The following HR variants were observed in gnomAD, a reference collection of about 807,000 sequenced individuals.
HR encodes the protein lysine-specific demethylase hairless.
HR carries 83 observed loss-of-function variants against 128.6 expected under a neutral mutation model. The observed-to-expected ratio is 0.65, with a 90% CI of 0.54 to 0.77. The LOEUF is 0.77. Among genes scored for constraint, HR ranks in the 30% least tolerant of loss-of-function variants. HR has a pLI of 0.00. For synonymous variants in HR, 681 were observed against 658.2 expected, an observed-to-expected ratio of 1.03 and a Z score of -0.53; for missense variants, 1,490 against 1,574.6, an observed-to-expected ratio of 0.95 and a Z score of 0.91.
Position 22,129,033 on chromosome 8 carries a change from A to G in HR, c.138T>C (p.Pro46=), listed in dbSNP as rs1254540491. 1.9e-6 allele frequency: 3 copies of G among 1,605,596 alleles called. No homozygotes were observed. The highest frequency in any genetic ancestry group is 2.6e-6 in the Non-Finnish European group (3 of 1,175,576). Residue 46 remains proline, a synonymous_variant, in exon 2 of 19, where the codon CCT becomes CCC. Coordinates refer to ENST00000381418, the MANE Select transcript of HR (RefSeq NM_005144.5). ...LHHGPLCLGE[P]APFWRGVLST... ...TCAGGACGCCCCTCCAAAAGGGAGC[A>G]GGCTCTCCCAGGCACAGCGGCCCAT...
At chr8:22,128,272 C>A (rs988378705) in intron 2 of HR, 1 of 560,870 alleles carries the variant, frequency 1.8e-6, no homozygotes, top group Non-Finnish European at 3.2e-6. Flanking sequence ...CCTCCCAGGA[C>A]AAGCCACACA....
rs777505249 is a variant in HR, at chr8:22,117,007, A to G, written c.3246T>C (p.Pro1082=). Residue 1082 remains proline (P), a synonymous_variant, in exon 17 of 19, where the codon CCT becomes CCC. Coordinates refer to ENST00000381418, the MANE Select transcript of HR (RefSeq NM_005144.5). The part of the protein sequence containing the change: ...VCPAGAGALE[P]GAPGSCYLDA... ...CCAGGTAGCAGCTGCCTGGGGCGCC[A>G]GGCTCCAGGGCGCCTGCCCCGGCCG... 6.6e-7 allele frequency: 1 copy of G among 1,525,382 alleles called. No homozygotes were observed. Among genetic ancestry groups the G allele is most frequent in the South Asian group, 1.2e-5 (1 of 82,538 alleles). The allele number at this position is 1,525,382 out of a possible 1,614,324, so 94.5% of individuals were successfully genotyped here. A position where few individuals can be genotyped will look rare whatever the true frequency, so the allele number is the denominator to read the frequency against.
Position 22,116,430 on chromosome 8 carries a change from T to A in HR, c.3379-2A>T. 1 of 1,613,568 alleles carries A rather than the reference T, an allele frequency of 6.2e-7. No individual in the cohort carries two copies. Among genetic ancestry groups the A allele is most frequent in the Non-Finnish European group, 8.5e-7 (1 of 1,179,782 alleles). ...GACTGTGCTCACCAGGCCCTGCACC[T>A]GTGTCGGGGGGACATGGACAGTGAG... On this transcript the variant is annotated splice_acceptor_variant, in intron 17 of 18. Coordinates refer to ENST00000381418, the MANE Select transcript of HR (RefSeq NM_005144.5). LOFTEE classifies it high-confidence loss of function. This position sits in a 1 kb window ranked among gnomAD's most constrained non-coding sequence, Gnocchi z 4.2.
intron 16 of HR, chr8:22,117,415 G>A (rs1736835240): frequency 4.4e-6 from 1 of 227,288 alleles, no homozygotes; most frequent in Non-Finnish European, 8.6e-6. Context: ...TTCATAAACT[G>A]TCTACCAGGA....
intron 1 of HR, among the ~76,000 whole-genome samples, chr8:22,129,657 G>C (rs1826998958): frequency 2.6e-5 from 4 of 152,242 alleles, no homozygotes; most frequent in Admixed American, 2.6e-4. Flanking sequence ...CGGCTCAGAG[G>C]ATTCTTCCCA....
chr8:22,125,268 C>T (rs1826854241), intron 5 of HR, 43 bp downstream of exon 5: 1 of 1,540,818 alleles, frequency 6.5e-7, no homozygotes, highest in Non-Finnish European at 8.8e-7. Flanking sequence ...ACCTGGGGCT[C>T]CCCACACAGA....
Position 22,121,153 on chromosome 8 carries a change from T to C in HR, c.2279A>G (p.Glu760Gly). Residue 760 changes from glutamate (E) to glycine (G), a missense_variant, in exon 10 of 19, where the codon GAA (glutamate) becomes GGA (glycine). Physicochemically the swap from Glu to Gly is moderately conservative, Grantham distance 98. Around this residue, in one of 3 missense-constraint regions of HR, gnomAD observed 1,060 missense variants for 1,060.9 expected, o/e 1.00. Coordinates refer to ENST00000381418, the MANE Select transcript of HR (RefSeq NM_005144.5). The part of the protein sequence containing the change: ...RGPLPCPSLC[E>G]LLASTAVKLC... ...TTTGACCGCGGTAGAAGCCAGCAGTTCGCAGAGAGAAGGACAAGGCAGGGG... is the reference window on the plus strand; with the variant it reads ...TTTGACCGCGGTAGAAGCCAGCAGTCCGCAGAGAGAAGGACAAGGCAGGGG... 6.2e-7 allele frequency: 1 copy of C among 1,613,960 alleles called. No homozygotes were observed.
In HR at chr8:22,118,609, A is replaced by G. The variant is rs545548152; in HGVS notation, c.3213+341T>C. 1.7e-4 allele frequency: 61 copies of G among 355,516 alleles called. No individual in the cohort carries two copies. The Middle Eastern group carries it at 4.2e-3, about 25-fold the overall frequency. 22.0% of individuals were successfully genotyped at this position (355,516 alleles called of 1,614,324 possible). A position where few individuals can be genotyped will look rare whatever the true frequency, so the allele number is the denominator to read the frequency against. Reference sequence around the variant, plus strand: ...TTCGGTGTTCTCATCTGCCAATGGGAAAGGAGCAGTGCCTGCCTCATGGGG... The same window carrying G: ...TTCGGTGTTCTCATCTGCCAATGGGGAAGGAGCAGTGCCTGCCTCATGGGG... On this transcript the variant is annotated intron_variant, in intron 16 of 18. Transcript: ENST00000381418.
In HR at chr8:22,115,522, CTG is replaced by C; in HGVS notation, c.*176_*177del. ...AAGGACAGGTGTGAGCTTGGTGGCA[CTG>C]TGGTTGTTGGCTTAAGGGGGAGGGG... On this transcript the variant is annotated 3_prime_UTR_variant, in exon 19 of 19. Coordinates refer to ENST00000381418, the MANE Select transcript of HR (RefSeq NM_005144.5). 1 of 662,314 alleles carries C rather than the reference CTG, an allele frequency of 1.5e-6. No individual in the cohort carries two copies. The highest frequency in any genetic ancestry group is 2.8e-6 in the Non-Finnish European group (1 of 362,900). The allele number at this position is 662,314 out of a possible 1,614,324, so 41.0% of individuals were successfully genotyped here.
chr8:22,119,221 C>G lies in HR; in HGVS notation c.3040G>C (p.Val1014Leu), dbSNP rs767530260. 1 of 1,613,850 alleles carries G rather than the reference C, an allele frequency of 6.2e-7. No individual in the cohort carries two copies. The highest frequency in any genetic ancestry group is 8.5e-7 in the Non-Finnish European group (1 of 1,180,024). Reference protein sequence around the residue: ...KNLCVEVADLVSILVHADTPL... With the variant: ...KNLCVEVADLLSILVHADTPL... The stretch of plus-strand genomic sequence containing the variant: ...GTGTCGGCATGCACCAGGATGCTGA[C>G]CAGGTCGGCCACCTCCACACAGAGG... The change falls in exon 15 of 19, where the codon GTC (valine) becomes CTC (leucine). Residue 1014 changes from valine to leucine, a missense_variant. Physicochemically the swap from Val to Leu is conservative, Grantham distance 32. Transcript: ENST00000381418.
rs1180074273 is a variant in HR, at chr8:22,130,819, T to C, written c.-432A>G. On this transcript the variant is annotated 5_prime_UTR_variant, in exon 1 of 19. Coordinates refer to ENST00000381418, the MANE Select transcript of HR (RefSeq NM_005144.5). ...GGCCGGGGGGAACACGCGCCCCGGG[T>C]CGGAGATGGCCGAGTTGGGGGAAAG... 2 of 150,950 alleles carry C rather than the reference T, an allele frequency of 1.3e-5. No individual in the cohort carries two copies. Among genetic ancestry groups the C allele is most frequent in the African/African-American group, 4.9e-5 (2 of 40,882 alleles). 9.4% of individuals were successfully genotyped at this position (150,950 alleles called of 1,614,324 possible).
rs927650483 is a variant in HR at position 22,122,956 on chromosome 8, A to T, written c.1916-77T>A. ...GGTTAAGGTCAGAGAAGGTCAGGAC[A>T]TGATACCTAAACCAGGGGACTCAAT... is the stretch of plus-strand genomic sequence containing the variant. On this transcript the variant is annotated intron_variant, in intron 6 of 18. Coordinates refer to ENST00000381418, the MANE Select transcript of HR (RefSeq NM_005144.5). The T allele has an allele frequency of 2.2e-6, 3 of 1,368,652 alleles. No individual in the cohort carries two copies. The East Asian group carries it at 7.5e-5, about 34-fold the overall frequency. The allele number at this position is 1,368,652 out of a possible 1,614,324, so 84.8% of individuals were successfully genotyped here. A position where few individuals can be genotyped will look rare whatever the true frequency, so the allele number is the denominator to read the frequency against.
At position 22,116,861 on chromosome 8, in the gene HR, C is replaced by A; in HGVS notation, c.3378+14G>T. On this transcript the variant is annotated intron_variant, in intron 17 of 18. Coordinates refer to ENST00000381418, the MANE Select transcript of HR (RefSeq NM_005144.5). This position sits in a 1 kb window ranked among gnomAD's most constrained non-coding sequence, Gnocchi z 4.2. Reference sequence around the variant, plus strand: ...CCTGATCTCCCCGCAGAGCCCCTGCCCGCTGGGAAGCACCTGGTGGGGAGC... The same window carrying A: ...CCTGATCTCCCCGCAGAGCCCCTGCACGCTGGGAAGCACCTGGTGGGGAGC... 1 of 1,566,066 alleles carries A rather than the reference C, an allele frequency of 6.4e-7. No individual in the cohort carries two copies. Among genetic ancestry groups the A allele is most frequent in the South Asian group, 1.2e-5 (1 of 85,640 alleles).
Position 22,129,018 on chromosome 8 carries a change from C to A in HR, c.153G>T (p.Arg51Ser). 6.2e-7 allele frequency: 1 copy of A among 1,610,240 alleles called. No individual in the cohort carries two copies. The highest frequency in any genetic ancestry group is 8.5e-7 in the Non-Finnish European group (1 of 1,178,170). Residue 51 changes from arginine (R) to serine (S), a missense_variant, in exon 2 of 19, where the codon AGG becomes AGT. Physicochemically the swap from Arg to Ser is moderately radical, Grantham distance 110. Coordinates refer to ENST00000381418, the MANE Select transcript of HR (RefSeq NM_005144.5). ...LCLGEPAPFW[R>S]GVLSTPDSWL... Reference sequence around the variant, plus strand: ...AGGAGTCTGGGGTGCTCAGGACGCCCCTCCAAAAGGGAGCAGGCTCTCCCA... The same window carrying A: ...AGGAGTCTGGGGTGCTCAGGACGCCACTCCAAAAGGGAGCAGGCTCTCCCA...
intron 6 of HR, 32 bp downstream of exon 6, chr8:22,123,617 T>TCACCCCCCC: frequency 2.7e-5 from 8 of 292,092 alleles, no homozygotes; most frequent in Admixed American, 5.0e-5. Flanking sequence ...GAGGGCTCCA[T>TCACCCCCCC]CCCGCCCTCC....
intron 1 of HR, among the ~76,000 whole-genome samples, chr8:22,129,884 C>T (rs184775464): frequency 6.6e-6 from 1 of 152,336 alleles, no homozygotes; most frequent in East Asian, 1.9e-4. Flanking sequence ...AGCAGAGTCC[C>T]AGGACAACTG....
chr8:22,126,157 C>T lies in HR; in HGVS notation c.1406-425G>A, dbSNP rs562760530. On this transcript the variant is annotated intron_variant, in intron 3 of 18. Coordinates refer to ENST00000381418, the MANE Select transcript of HR (RefSeq NM_005144.5). ...GAAGGTGAGAAGGGCCAGAGAGTTTCGACACAGGCCACAGGTGCAGTAACC... is the reference window on the plus strand; with the variant it reads ...GAAGGTGAGAAGGGCCAGAGAGTTTTGACACAGGCCACAGGTGCAGTAACC... Among the ~76,000 whole-genome samples, 64 of 152,306 alleles carry T rather than the reference C, an allele frequency of 4.2e-4. 1 individual carries two copies. The Middle Eastern group carries it at 0.014, about 32-fold the overall frequency.
rs192912250 is a variant in HR at position 22,127,744 on chromosome 8, G to A, written c.698C>T (p.Ser233Phe). The change falls in exon 3 of 19, where the codon TCT becomes TTT. Residue 233 changes from serine (S) to phenylalanine (F), a missense_variant. Physicochemically the swap from Ser to Phe is radical, Grantham distance 155. Around this residue, in one of 3 missense-constraint regions of HR, gnomAD observed 1,060 missense variants for 1,060.9 expected, o/e 1.00. Coordinates refer to ENST00000381418, the MANE Select transcript of HR (RefSeq NM_005144.5). ...AAEPGLFGLNSGGHLQRAGEA... is the reference protein window; with the variant it reads ...AAEPGLFGLNFGGHLQRAGEA... ...CCCGGCTCTCTGCAGGTGCCCACCA[G>A]AGTTTAAGCCAAACAACCCAGGTTC... The A allele has an allele frequency of 9.4e-6, 15 of 1,603,850 alleles. No individual in the cohort carries two copies. In the East Asian group the frequency reaches 3.3e-4, roughly 36 times the overall value.
chr8:22,127,252 C>T lies in HR; in HGVS notation c.1190G>A (p.Cys397Tyr), dbSNP rs73549523. 121,850 of 1,613,152 alleles carry T rather than the reference C, an allele frequency of 0.076. 5,157 individuals are homozygous for T. Among genetic ancestry groups the T allele is most frequent in the Non-Finnish European group, 0.085 (100,394 of 1,180,018 alleles). ...AACCGGCCTCTCCTCGACCTCAGGG[C>T]AGCCGCGTGGACATTCAAACTGCTC... ...HSEQFECPRG[C>Y]PEVEERPVAR... The change falls in exon 3 of 19, where the codon TGC (cysteine) becomes TAC (tyrosine). Residue 397 changes from cysteine to tyrosine, a missense_variant. Physicochemically the swap from Cys to Tyr is radical, Grantham distance 194 (BLOSUM62 -2). Around this residue, in one of 3 missense-constraint regions of HR, gnomAD observed 1,060 missense variants for 1,060.9 expected, o/e 1.00. Coordinates refer to ENST00000381418, the MANE Select transcript of HR (RefSeq NM_005144.5).
Sources: gnomAD v4.1 joint callset for allele counts (sites outside exome capture counted in the v4.1 genomes callset) on GRCh38, gnomAD v4.1.1 for gene constraint, gnomAD v4.1.1 regional missense constraint, Gnocchi (gnomAD v3.1) non-coding constraint, MANE v1.5 for transcripts, NCBI Gene and HGNC (gene_info 2026-07-23, HGNC 2026-07-21) for gene names.